ADGRL3: variants seen among roughly 807,000 people sequenced by gnomAD.
The protein encoded by ADGRL3 is calcium-independent alpha-latrotoxin receptor 3.
A neutral mutation model predicts 153.5 loss-of-function variants in ADGRL3; 62 were observed. The observed-to-expected ratio is 0.40, with a 90% CI of 0.33 to 0.50. ADGRL3 has a LOEUF of 0.50. Ranked by LOEUF, ADGRL3 falls within the 20% of genes least tolerant of loss-of-function variation. ADGRL3 has a pLI of 0.47. For synonymous variants in ADGRL3, 710 were observed against 672.5 expected, an observed-to-expected ratio of 1.06 and a Z score of -0.86; for missense variants, 1,641 against 1,859.4, an observed-to-expected ratio of 0.88 and a Z score of 2.16.
Position 61,465,034 on chromosome 4 carries a change from G to A in ADGRL3, c.-173-32087G>A, listed in dbSNP as rs145529386. ...TTGTTTTGCTCAGGAATGGGGTCCC[G>A]ATGCTCAACCACGGGATCCTGATGT... On this transcript the variant is annotated intron_variant, in intron 2 of 26. Transcript: ENST00000683033. Among the ~76,000 whole-genome samples, 14 of 152,234 alleles carry A rather than the reference G, an allele frequency of 9.2e-5. 1 individual carries two copies. The highest frequency in any genetic ancestry group is 2.4e-4 in the African/African-American group (10 of 41,542).
intron 1 of ADGRL3, among the ~76,000 whole-genome samples, chr4:61,372,246 C>T (rs143447908): frequency 0.048 from 7,251 of 152,196 alleles, 533 homozygotes; most frequent in African/African-American, 0.16. Context: ...AGTCATTCTC[C>T]GTCCAGCTTT....
At chr4:61,499,956 T>C (rs1428624176) in intron 3 of ADGRL3, among the ~76,000 whole-genome samples, 7 of 146,726 alleles carry the variant, frequency 4.8e-5, no homozygotes, top group African/African-American at 7.6e-5. Flanking sequence ...GTTTGGGAAC[T>C]GATAGTCTGC....
At chr4:61,318,648 C>T (rs115339482) in intron 1 of ADGRL3, among the ~76,000 whole-genome samples, 1,703 of 152,254 alleles carry the variant, frequency 0.011, 32 homozygotes, top group African/African-American at 0.04. Flanking sequence ...ATGACAAAAG[C>T]ATTATGAATT....
At chr4:62,046,986 A>G (rs889459291) in intron 25 of ADGRL3, among the ~76,000 whole-genome samples, 1 of 151,930 alleles carries the variant, frequency 6.6e-6, no homozygotes, top group Non-Finnish European at 1.5e-5. Flanking sequence ...GGTAGGTGAC[A>G]TCGAAGATTC....
At chr4:61,676,758 G>A (rs921114952) in intron 5 of ADGRL3, 68 bp from the exon 6 acceptor site, 11 of 1,043,572 alleles carry the variant, frequency 1.1e-5, no homozygotes, top group African/African-American at 1.6e-5. Context: ...AATAAAATTA[G>A]TGTTGATGTT....
intron 1 of ADGRL3, among the ~76,000 whole-genome samples, chr4:61,246,593 TTA>T (rs759199914): frequency 6.6e-6 from 1 of 151,962 alleles, no homozygotes; most frequent in Non-Finnish European, 1.5e-5. Context: ...AATGTAAATT[TTA>T]TGTTTTATTA....
At chr4:61,290,350 A>C (rs559235881) in intron 1 of ADGRL3, among the ~76,000 whole-genome samples, 1 of 152,186 alleles carries the variant, frequency 6.6e-6, no homozygotes, top group African/African-American at 2.4e-5. Context: ...ATACTTATGA[A>C]ATTTAGCATT....
rs536845301 is a variant in ADGRL3, at chr4:61,200,420, G to T, written c.-1585G>T. Among the ~76,000 whole-genome samples the T allele has an allele frequency of 1.3e-5, 2 of 151,610 alleles. No homozygotes were observed. The highest frequency in any genetic ancestry group is 4.2e-4 in the South Asian group (2 of 4,804). ...CGCTCTGACCCGCTGTCTGCGCGTC[G>T]CCCCCCTCGCCTGCTGGCCCGGCAC... On this transcript the variant is annotated 5_prime_UTR_variant, in exon 1 of 27. Transcript: ENST00000683033.
At chr4:61,994,152 T>G (rs1421659450) in intron 19 of ADGRL3, among the ~76,000 whole-genome samples, 1 of 152,140 alleles carries the variant, frequency 6.6e-6, no homozygotes, top group Non-Finnish European at 1.5e-5. Flanking sequence ...TTCGTTTTTG[T>G]TTTGTTTTTG....
At chr4:61,568,011 A>G (rs2098823294) in intron 4 of ADGRL3, among the ~76,000 whole-genome samples, 1 of 152,118 alleles carries the variant, frequency 6.6e-6, no homozygotes, top group Non-Finnish European at 1.5e-5. Flanking sequence ...CAGGAAGTAA[A>G]TTGAGTCTAA....
intron 6 of ADGRL3, among the ~76,000 whole-genome samples, chr4:61,720,712 C>A (rs2096227576): frequency 6.6e-6 from 1 of 152,132 alleles, no homozygotes. Context: ...TTTAACTTAT[C>A]TGTAGCATAG....
chr4:61,476,951 ATTAT>A (rs1279959284), intron 2 of ADGRL3, among the ~76,000 whole-genome samples: 3 of 151,840 alleles, frequency 2.0e-5, no homozygotes, highest in African/African-American at 7.3e-5. Flanking sequence ...TATTAATAAA[ATTAT>A]TTATTTATGT....
intron 21 of ADGRL3, among the ~76,000 whole-genome samples, chr4:62,016,401 T>G (rs2099212037): frequency 6.6e-6 from 1 of 152,200 alleles, no homozygotes; most frequent in African/African-American, 2.4e-5. Context: ...CGTGTTACAA[T>G]CTTTAATCTC....
intron 25 of ADGRL3, among the ~76,000 whole-genome samples, chr4:62,045,925 C>A (rs966478187): frequency 6.6e-6 from 1 of 151,780 alleles, no homozygotes; most frequent in Non-Finnish European, 1.5e-5. Context: ...GTATTCTTAT[C>A]TTTTTCAATT....
intron 6 of ADGRL3, among the ~76,000 whole-genome samples, chr4:61,677,616 A>G (rs995677612): frequency 1.3e-5 from 2 of 152,040 alleles, no homozygotes; most frequent in Admixed American, 6.6e-5. Flanking sequence ...CAATTTTTAT[A>G]TCTAACTCGT....
chr4:61,756,728 C>A (rs2096836402), intron 8 of ADGRL3, among the ~76,000 whole-genome samples: 1 of 152,142 alleles, frequency 6.6e-6, no homozygotes, highest in Non-Finnish European at 1.5e-5. Flanking sequence ...CCAGTTTTTG[C>A]CCATTCAGTA....
chr4:61,735,078 G>GT (rs375488166), intron 8 of ADGRL3, among the ~76,000 whole-genome samples: 159 of 152,258 alleles, frequency 1.0e-3, no homozygotes, highest in African/African-American at 3.8e-3. Flanking sequence ...TAGATTCTAA[G>GT]TTTTTTATGG....
chr4:61,311,607 G>A (rs571535212), intron 1 of ADGRL3, among the ~76,000 whole-genome samples: 21 of 152,258 alleles, frequency 1.4e-4, no homozygotes, highest in African/African-American at 4.8e-4. Flanking sequence ...ACTACCTTAT[G>A]TGTCTTAGTG....
At chr4:61,731,657 A>G (rs996675300) in intron 7 of ADGRL3, among the ~76,000 whole-genome samples, 2 of 152,104 alleles carry the variant, frequency 1.3e-5, no homozygotes, top group African/African-American at 4.8e-5. Flanking sequence ...GAGATTCACG[A>G]ATGTACTTAA....
Sources: allele counts gnomAD v4.1 joint callset (sites outside exome capture counted in the v4.1 genomes callset), GRCh38; gene constraint gnomAD v4.1.1; transcripts MANE v1.5; gene names NCBI Gene and HGNC (gene_info 2026-07-23, HGNC 2026-07-21).